The following NBAS variants were observed in gnomAD, a reference collection of about 807,000 sequenced individuals.
NBAS encodes the protein NAG/BC035112 fusion.
NBAS carries 219 observed loss-of-function variants against 302.5 expected under a neutral mutation model. The observed-to-expected ratio is 0.72, with a 90% CI of 0.65 to 0.81. The LOEUF (loss-of-function observed/expected upper bound fraction) is 0.81, where lower values mean the gene tolerates loss of function less well. Ranked by LOEUF, NBAS falls within the 30% of genes least tolerant of loss-of-function variation. The pLI is 0.00. For missense variants in NBAS, 2,932 were observed against 2,841.6 expected, an observed-to-expected ratio of 1.03 and a Z score of -0.72; for synonymous variants, 1,118 against 1,021.6, an observed-to-expected ratio of 1.09 and a Z score of -1.80.
At chr2:15,172,661 G>A (rs1427847918) in intron 51 of NBAS, among the ~76,000 whole-genome samples, 1 of 152,160 alleles carries the variant, frequency 6.6e-6, no homozygotes, top group Non-Finnish European at 1.5e-5. Flanking sequence ...ACACAGCCCT[G>A]CCAGTGGGTT....
At chr2:15,130,563 T>C in the NBAS span, among the ~76,000 whole-genome samples, 2 of 152,186 alleles carry the variant, frequency 1.3e-5, no homozygotes, top group Admixed American at 6.5e-5. Flanking sequence ...TTACCTCCAA[T>C]GAACACAGGA....
At position 15,402,286 on chromosome 2, in the gene NBAS, T is replaced by A; in HGVS notation, c.2953A>T (p.Ile985Phe). Residue 985 changes from isoleucine (I) to phenylalanine (F), a missense_variant, in exon 26 of 52, where the codon ATT (isoleucine) becomes TTT (phenylalanine). Physicochemically the swap from Ile to Phe is conservative, Grantham distance 21. Coordinates refer to ENST00000281513, the MANE Select transcript of NBAS (RefSeq NM_015909.4). ...GCCATCAGTTGGTCCTGATCAGGAA[T>A]AATTTTTTGCTGCAGCTACAGAAAA... ...HSKPDLQQKI[I>F]PDQDQLMAIA... 1.2e-6 allele frequency: 2 copies of A among 1,613,588 alleles called. No individual in the cohort carries two copies. The highest frequency in any genetic ancestry group is 1.7e-6 in the Non-Finnish European group (2 of 1,179,630).
the NBAS span, among the ~76,000 whole-genome samples, chr2:15,031,128 C>G: frequency 6.6e-6 from 1 of 152,142 alleles, no homozygotes; most frequent in Non-Finnish European, 1.5e-5. Context: ...TAGCAATATG[C>G]CAATCATTGG....
At chr2:15,440,333 G>A (rs572868259) in intron 21 of NBAS, among the ~76,000 whole-genome samples, 11 of 152,318 alleles carry the variant, frequency 7.2e-5, no homozygotes, top group African/African-American at 1.9e-4. Flanking sequence ...TGATCAGACA[G>A]CAGCATTCGC....
At chr2:15,479,882 C>A (rs947210928) in intron 12 of NBAS, among the ~76,000 whole-genome samples, 7 of 152,200 alleles carry the variant, frequency 4.6e-5, no homozygotes, top group Non-Finnish European at 7.3e-5. Context: ...ACAGTGCCCA[C>A]CTGTCATAGC....
the NBAS span, among the ~76,000 whole-genome samples, chr2:15,114,671 G>T: frequency 6.6e-6 from 1 of 152,154 alleles, no homozygotes; most frequent in African/African-American, 2.4e-5. Flanking sequence ...ATACTCTGGG[G>T]GGAAGTATGT....
chr2:14,856,817 C>T, the NBAS span, among the ~76,000 whole-genome samples: 23 of 151,844 alleles, frequency 1.5e-4, no homozygotes, highest in Middle Eastern at 3.2e-3. Flanking sequence ...ATAGCCTCAA[C>T]GGGGCAAATA....
chr2:14,844,696 C>A, the NBAS span, among the ~76,000 whole-genome samples: 3 of 152,084 alleles, frequency 2.0e-5, no homozygotes, highest in Admixed American at 6.5e-5. Flanking sequence ...AGGCCCAGAC[C>A]AGGCAGCATT....
chr2:14,950,782 T>C, the NBAS span, among the ~76,000 whole-genome samples: 1 of 152,172 alleles, frequency 6.6e-6, no homozygotes, highest in Non-Finnish European at 1.5e-5. Context: ...AAAAAACATT[T>C]GATAAAAAAA....
chr2:15,020,336 G>A, the NBAS span, among the ~76,000 whole-genome samples: 1 of 152,332 alleles, frequency 6.6e-6, no homozygotes, highest in Admixed American at 6.5e-5. Flanking sequence ...GTGATATGAG[G>A]AATAAATGGA....
chr2:15,498,556 CAT>C (rs1220686327), intron 11 of NBAS, among the ~76,000 whole-genome samples: 1 of 152,114 alleles, frequency 6.6e-6, no homozygotes, highest in African/African-American at 2.4e-5. Flanking sequence ...ACAGAAATAC[CAT>C]TCGAACCAGT....
chr2:15,492,012 G>A (rs1012671461), intron 11 of NBAS, among the ~76,000 whole-genome samples: 2 of 152,130 alleles, frequency 1.3e-5, no homozygotes, highest in South Asian at 2.1e-4. Flanking sequence ...TCATATGGTG[G>A]ATACTTGATC....
At chr2:15,517,322 T>C (rs2148656997) in intron 9 of NBAS, among the ~76,000 whole-genome samples, 1 of 152,228 alleles carries the variant, frequency 6.6e-6, no homozygotes, top group South Asian at 2.1e-4. Context: ...AAATTAGAAA[T>C]ATTTCAAATA....
the NBAS span, among the ~76,000 whole-genome samples, chr2:14,974,512 A>G: frequency 2.0e-5 from 3 of 152,238 alleles, no homozygotes; most frequent in Non-Finnish European, 4.4e-5. Context: ...CTAATTGACT[A>G]TCCTAGGTCA....
chr2:14,838,175 C>T, the NBAS span, among the ~76,000 whole-genome samples: 2 of 151,806 alleles, frequency 1.3e-5, no homozygotes, highest in African/African-American at 2.4e-5. Flanking sequence ...TTTTTTTGCT[C>T]CTATCTGTTC....
chr2:15,078,489 G>A, the NBAS span, among the ~76,000 whole-genome samples: 1 of 152,206 alleles, frequency 6.6e-6, no homozygotes, highest in Non-Finnish European at 1.5e-5. Context: ...CTCTGAGAGA[G>A]AAGGTGAGAA....
chr2:15,083,076 A>G, the NBAS span, among the ~76,000 whole-genome samples: 4 of 152,206 alleles, frequency 2.6e-5, no homozygotes, highest in African/African-American at 9.6e-5. Context: ...GTTAATTAGG[A>G]GGAAAGCAGC....
intron 41 of NBAS, among the ~76,000 whole-genome samples, chr2:15,291,950 T>C (rs563026785): frequency 6.6e-6 from 1 of 152,322 alleles, no homozygotes; most frequent in East Asian, 1.9e-4. Context: ...ATAGTAACTT[T>C]AAAAAATAAG....
the NBAS span, among the ~76,000 whole-genome samples, chr2:15,112,838 TC>T: frequency 2.0e-5 from 3 of 152,104 alleles, no homozygotes; most frequent in African/African-American, 7.2e-5. Flanking sequence ...CTTGAGCTCT[TC>T]CTTAAATATT....
Sources: gnomAD v4.1 joint callset for allele counts (sites outside exome capture counted in the v4.1 genomes callset) on GRCh38, gnomAD v4.1.1 for gene constraint, MANE v1.5 for transcripts, NCBI Gene and HGNC (gene_info 2026-07-23, HGNC 2026-07-21) for gene names.